The following CNTN1 variants were observed in gnomAD, a reference collection of about 807,000 sequenced individuals.
The protein encoded by CNTN1 is contactin-1.
A neutral mutation model predicts 126.4 loss-of-function variants in CNTN1; 38 were observed. The ratio of observed to expected loss-of-function variants is 0.30; its 90% CI spans 0.23 to 0.39. The LOEUF (loss-of-function observed/expected upper bound fraction) is 0.39, where lower values mean the gene tolerates loss of function less well. Among genes scored for constraint, CNTN1 ranks in the 10% least tolerant of loss-of-function variants. The pLI is 1.00. For synonymous variants in CNTN1, 413 were observed against 422.6 expected, an observed-to-expected ratio of 0.98 and a Z score of 0.28; for missense variants, 1,009 against 1,248.4, an observed-to-expected ratio of 0.81 and a Z score of 2.89.
chr12:40,880,703 T>C (rs1303125865), intron 1 of CNTN1, among the ~76,000 whole-genome samples: 1 of 151,994 alleles, frequency 6.6e-6, no homozygotes, highest in Non-Finnish European at 1.5e-5. Context: ...TTTGTATTGA[T>C]ACATACGACT....
intron 1 of CNTN1, among the ~76,000 whole-genome samples, chr12:40,815,662 C>T (rs1941231988): frequency 6.6e-6 from 1 of 152,068 alleles, no homozygotes; most frequent in African/African-American, 2.4e-5. Flanking sequence ...ACCTGATTGC[C>T]CTGGCCAGAA....
At chr12:40,935,269 T>C (rs148630897) in intron 9 of CNTN1, among the ~76,000 whole-genome samples, 126 of 152,170 alleles carry the variant, frequency 8.3e-4, no homozygotes, top group African/African-American at 2.9e-3. Flanking sequence ...TTGAAATAAA[T>C]CCACCACTTT....
intron 1 of CNTN1, among the ~76,000 whole-genome samples, chr12:40,816,833 G>T (rs1941271096): frequency 6.6e-6 from 1 of 152,074 alleles, no homozygotes; most frequent in Admixed American, 6.6e-5. Flanking sequence ...AGAGATTCTG[G>T]TACATTGTCT....
intron 3 of CNTN1, among the ~76,000 whole-genome samples, chr12:40,917,001 GA>G (rs1490125113): frequency 8.2e-6 from 1 of 121,998 alleles, no homozygotes; most frequent in Non-Finnish European, 1.6e-5. Context: ...AGCTCCCTTT[GA>G]AACATTTTGG....
At chr12:40,972,623 C>G in intron 15 of CNTN1, 2 of 902,236 alleles carry the variant, frequency 2.2e-6, no homozygotes, top group Non-Finnish European at 2.7e-6. Flanking sequence ...GTCTCTGGCT[C>G]AAGATGTTAC....
intron 1 of CNTN1, among the ~76,000 whole-genome samples, chr12:40,720,618 A>G (rs1362157829): frequency 1.3e-5 from 2 of 152,152 alleles, no homozygotes; most frequent in Non-Finnish European, 2.9e-5. Context: ...AATCATAACA[A>G]TTTTTTGTGT....
intron 16 of CNTN1, among the ~76,000 whole-genome samples, chr12:40,984,970 T>TA (rs1947918536): frequency 6.6e-6 from 1 of 152,046 alleles, no homozygotes; most frequent in East Asian, 1.9e-4. Context: ...AATTACAAAA[T>TA]TACCTTTACC....
At chr12:40,791,390 T>C (rs1411591307) in intron 1 of CNTN1, among the ~76,000 whole-genome samples, 3 of 152,100 alleles carry the variant, frequency 2.0e-5, no homozygotes, top group African/African-American at 4.8e-5. Flanking sequence ...ATTCCTGTGG[T>C]CAAATTTACC....
intron 14 of CNTN1, among the ~76,000 whole-genome samples, chr12:40,948,206 C>G (rs1946506679): frequency 6.7e-6 from 1 of 149,726 alleles, no homozygotes; most frequent in African/African-American, 2.5e-5. Context: ...AGAGAGCAAT[C>G]ATCCCCCATT....
At chr12:40,746,853 CTG>C (rs1938206136) in intron 1 of CNTN1, among the ~76,000 whole-genome samples, 1 of 152,058 alleles carries the variant, frequency 6.6e-6, no homozygotes, top group African/African-American at 2.4e-5. Context: ...CACCCAGTTC[CTG>C]AGGTCTTATC....
intron 14 of CNTN1, among the ~76,000 whole-genome samples, chr12:40,958,846 G>A (rs1301575907): frequency 4.0e-5 from 6 of 151,808 alleles, no homozygotes; most frequent in African/African-American, 1.5e-4. Context: ...TTCATCCCTT[G>A]AGTTTCTCTC....
intron 6 of CNTN1, among the ~76,000 whole-genome samples, chr12:40,928,352 T>C (rs1373852249): frequency 1.3e-5 from 2 of 152,054 alleles, no homozygotes; most frequent in African/African-American, 2.4e-5. Flanking sequence ...ACTTCTTTAC[T>C]TATCCCAGGA....
At chr12:40,722,073 C>A (rs914838102) in intron 1 of CNTN1, among the ~76,000 whole-genome samples, 17 of 152,102 alleles carry the variant, frequency 1.1e-4, no homozygotes, top group African/African-American at 3.6e-4. Context: ...CCGTGGGGAA[C>A]AACAGGCTTC....
intron 17 of CNTN1, among the ~76,000 whole-genome samples, chr12:41,009,044 T>G (rs1292120062): frequency 6.6e-6 from 1 of 152,198 alleles, no homozygotes; most frequent in African/African-American, 2.4e-5. Context: ...TATCCTGCCT[T>G]CTGTACTCCT....
chr12:40,894,070 C>T (rs1944322875), intron 1 of CNTN1, among the ~76,000 whole-genome samples: 1 of 152,122 alleles, frequency 6.6e-6, no homozygotes, highest in Non-Finnish European at 1.5e-5. Flanking sequence ...TCCAATATCT[C>T]TACAGGTACT....
At chr12:40,984,032 G>A (rs911261223) in intron 16 of CNTN1, among the ~76,000 whole-genome samples, 2 of 148,358 alleles carry the variant, frequency 1.3e-5, no homozygotes, top group East Asian at 3.9e-4. Flanking sequence ...CTCACACACA[G>A]AGGATTAAAT....
intron 20 of CNTN1, among the ~76,000 whole-genome samples, chr12:41,023,499 T>G (rs1948971879): frequency 6.6e-6 from 1 of 152,210 alleles, no homozygotes; most frequent in South Asian, 2.1e-4. Context: ...TCAAGGGCAT[T>G]TTGGAACTTT....
At chr12:40,793,742 G>A (rs1940306991) in intron 1 of CNTN1, among the ~76,000 whole-genome samples, 1 of 152,030 alleles carries the variant, frequency 6.6e-6, no homozygotes, top group East Asian at 1.9e-4. Context: ...TTAGATGAAT[G>A]AAACATTTTC....
chr12:41,047,506 T>A (rs939476586), intron 23 of CNTN1, among the ~76,000 whole-genome samples: 1 of 152,052 alleles, frequency 6.6e-6, no homozygotes, highest in Admixed American at 6.6e-5. Flanking sequence ...CCTTCCTTTT[T>A]GTCACTTCTA....
Sources: allele counts gnomAD v4.1 joint callset (sites outside exome capture counted in the v4.1 genomes callset), GRCh38; gene constraint gnomAD v4.1.1; transcripts MANE v1.5; gene names NCBI Gene and HGNC (gene_info 2026-07-23, HGNC 2026-07-21).